Variants in KCNS3 observed in about 807,000 individuals in gnomAD.
KCNS3 encodes the protein potassium voltage-gated channel modifier subfamily S member 3.
Under a neutral mutation model 31.0 loss-of-function variants are expected in KCNS3, and 13 were observed. That is an observed-to-expected ratio of 0.42 (90% CI 0.27 to 0.67). The LOEUF (loss-of-function observed/expected upper bound fraction) is 0.67, where lower values mean the gene tolerates loss of function less well. Among genes scored for constraint, KCNS3 ranks in the 30% least tolerant of loss-of-function variants. The pLI is 0.25. For synonymous variants in KCNS3, 238 were observed against 241.5 expected (o/e 0.99, Z 0.13); for missense variants, 545 against 622.4 (o/e 0.88, Z 1.32).
intron 1 of KCNS3, among the ~76,000 whole-genome samples, chr2:17,904,701 A>G (rs532619162): frequency 1.3e-5 from 2 of 152,294 alleles, no homozygotes; most frequent in East Asian, 3.9e-4. Flanking sequence ...TCCCAGCACC[A>G]TTTATTAAAT....
At chr2:17,888,661 ATATAT>A (rs1661762895) in intron 1 of KCNS3, among the ~76,000 whole-genome samples, 1 of 138,444 alleles carries the variant, frequency 7.2e-6, no homozygotes, top group Non-Finnish European at 1.6e-5. Flanking sequence ...ATATATATAT[ATATAT>A]ATATATAAAG....
chr2:17,928,660 T>C (rs925206119), intron 2 of KCNS3, among the ~76,000 whole-genome samples: 13 of 117,794 alleles, frequency 1.1e-4, no homozygotes. Flanking sequence ...TGTTAATCTT[T>C]ATTATTTCCT....
At chr2:17,884,268 A>ATATATATATATATATAT (rs1553340999) in intron 1 of KCNS3, among the ~76,000 whole-genome samples, 2 of 46,668 alleles carry the variant, frequency 4.3e-5, no homozygotes, top group African/African-American at 7.8e-5. Flanking sequence ...AAAAAAAAAA[A>ATATATATATATATATAT]ATATATATAT....
At chr2:17,915,960 A>T (rs1662578814) in intron 1 of KCNS3, among the ~76,000 whole-genome samples, 1 of 152,162 alleles carries the variant, frequency 6.6e-6, no homozygotes, top group Non-Finnish European at 1.5e-5. Flanking sequence ...CATAGACTAA[A>T]GGCCCATTAC....
At chr2:17,907,881 C>G (rs1662374606) in intron 1 of KCNS3, among the ~76,000 whole-genome samples, 1 of 152,202 alleles carries the variant, frequency 6.6e-6, no homozygotes, top group Admixed American at 6.5e-5. Context: ...TTCTCTCTGG[C>G]TGCCCTTAAC....
chr2:17,927,037 C>T (rs865936690), intron 2 of KCNS3, among the ~76,000 whole-genome samples: 8 of 152,324 alleles, frequency 5.3e-5, no homozygotes, highest in African/African-American at 1.9e-4. Context: ...TTAAGAGCAC[C>T]TAGGTCACAT....
chr2:17,883,904 C>T (rs1307126862), intron 1 of KCNS3, among the ~76,000 whole-genome samples: 3 of 152,044 alleles, frequency 2.0e-5, no homozygotes, highest in African/African-American at 7.2e-5. Flanking sequence ...GGCACGTATA[C>T]ACCGTGGAAT....
At chr2:17,887,414 A>G (rs937706355) in intron 1 of KCNS3, among the ~76,000 whole-genome samples, 2 of 152,134 alleles carry the variant, frequency 1.3e-5, no homozygotes, top group Non-Finnish European at 2.9e-5. Flanking sequence ...GATAGTCTCC[A>G]ATCTCATTCA....
intron 1 of KCNS3, among the ~76,000 whole-genome samples, chr2:17,890,874 T>C (rs749441795): frequency 3.1e-4 from 47 of 152,112 alleles, no homozygotes; most frequent in Non-Finnish European, 6.2e-4. Flanking sequence ...GAAAGTTCCA[T>C]GCATTGAATA....
chr2:17,926,843 A>G (rs1015490371), intron 2 of KCNS3, among the ~76,000 whole-genome samples: 3 of 152,216 alleles, frequency 2.0e-5, no homozygotes, highest in African/African-American at 7.2e-5. Context: ...GGCAGTTAAC[A>G]TTCAGCTCCT....
Position 17,882,311 on chromosome 2 carries a change from A to C in KCNS3, c.-252+3505A>C, listed in dbSNP as rs145298488. On this transcript the variant is annotated intron_variant, in intron 1 of 2. Transcript: ENST00000304101. ...CCTATTGTGGTTTGTAGGAACTTTC[A>C]CATGGGATATCTCATTCCAGTCCTC... Among the ~76,000 whole-genome samples, 137 of 152,360 alleles carry C rather than the reference A, an allele frequency of 9.0e-4. 1 individual carries two copies. In the East Asian group the frequency reaches 0.011, roughly 12 times the overall value.
At chr2:17,899,050 ACC>A (rs1301381600) in intron 1 of KCNS3, among the ~76,000 whole-genome samples, 1 of 151,742 alleles carries the variant, frequency 6.6e-6, no homozygotes, top group African/African-American at 2.4e-5. Context: ...ACATGGTGAA[ACC>A]CCGTCACCAC....
intron 1 of KCNS3, among the ~76,000 whole-genome samples, chr2:17,889,819 T>G (rs552661905): frequency 6.6e-6 from 1 of 152,298 alleles, no homozygotes; most frequent in African/African-American, 2.4e-5. Flanking sequence ...GTTGTTGGAT[T>G]CAGGTAGCTG....
intron 1 of KCNS3, among the ~76,000 whole-genome samples, chr2:17,902,673 A>C (rs1359027165): frequency 6.6e-6 from 1 of 152,142 alleles, no homozygotes; most frequent in Non-Finnish European, 1.5e-5. Context: ...AAGATGGGTA[A>C]TTTTACATTT....
At chr2:17,900,996 T>C (rs1279244235) in intron 1 of KCNS3, among the ~76,000 whole-genome samples, 1 of 152,230 alleles carries the variant, frequency 6.6e-6, no homozygotes, top group Non-Finnish European at 1.5e-5. Context: ...GTATCCATGC[T>C]TTATAAATAG....
intron 2 of KCNS3, among the ~76,000 whole-genome samples, chr2:17,927,907 C>T (rs1662873854): frequency 6.6e-6 from 1 of 152,222 alleles, no homozygotes; most frequent in Admixed American, 6.5e-5. Context: ...GCTTTCTGGA[C>T]AGAACCAATG....
rs1674714732 is a variant in KCNS3, at chr2:17,884,266, AAAATATATATATATATATATATATAT to A, written c.-252+5462_-252+5487del. 6.6e-5 allele frequency among the ~76,000 whole-genome samples: 3 copies of A among 45,144 alleles called. 1 individual carries two copies. The South Asian group carries it at 2.8e-3, about 42-fold the overall frequency. The allele number at this position is 45,144 out of a possible 152,430, so 29.6% of individuals were successfully genotyped here. A position where few individuals can be genotyped will look rare whatever the true frequency, so the allele number is the denominator to read the frequency against. ...AACTTAAAGTATAATTAAAAAAAAA[AAAATATATATATATATATATATATAT>A]ATATATATATATTTAAAAAGAAGAG... On this transcript the variant is annotated intron_variant, in intron 1 of 2. Transcript: ENST00000304101.
At chr2:17,896,449 G>C (rs1558449521) in intron 1 of KCNS3, among the ~76,000 whole-genome samples, 2 of 152,094 alleles carry the variant, frequency 1.3e-5, no homozygotes, top group South Asian at 4.1e-4. Flanking sequence ...TTATGTACTG[G>C]TGTGACTTTG....
intron 1 of KCNS3, among the ~76,000 whole-genome samples, chr2:17,899,113 C>G (rs1662100756): frequency 6.6e-6 from 1 of 152,076 alleles, no homozygotes; most frequent in Non-Finnish European, 1.5e-5. Flanking sequence ...GTATTCCCAG[C>G]TGCTCAGGAG....
Sources: gnomAD v4.1 joint callset for allele counts (sites outside exome capture counted in the v4.1 genomes callset) on GRCh38, gnomAD v4.1.1 for gene constraint, MANE v1.5 for transcripts, NCBI Gene and HGNC (gene_info 2026-07-23, HGNC 2026-07-21) for gene names.